CHRNA7: variants seen among roughly 807,000 people sequenced by gnomAD.
The protein encoded by CHRNA7 is neuronal acetylcholine receptor subunit alpha-7.
CHRNA7 carries 17 observed loss-of-function variants against 48.0 expected under a neutral mutation model. The observed-to-expected ratio is 0.35, with a 90% CI of 0.24 to 0.53. The LOEUF (loss-of-function observed/expected upper bound fraction) is 0.53, where lower values mean the gene tolerates loss of function less well. Among genes scored for constraint, CHRNA7 ranks in the 20% least tolerant of loss-of-function variants. The probability of loss-of-function intolerance (pLI) is 0.92; values close to 1 mark genes in which losing one functional copy is unlikely to be tolerated. For synonymous variants in CHRNA7, 75 were observed against 242.3 expected, an observed-to-expected ratio of 0.31 and a Z score of 6.41; for missense variants, 155 against 577.7, an observed-to-expected ratio of 0.27 and a Z score of 7.50.
chr15:32,158,301 T>TTTA, intron 6 of CHRNA7, 111 bp from the exon 7 acceptor site: 4 of 618,836 alleles, frequency 6.5e-6, no homozygotes, highest in Middle Eastern at 5.8e-4. Context: ...TTTTTTTTTT[T>TTTA]AGCACTTTGC....
At chr15:32,121,182 C>T (rs1024842736) in intron 4 of CHRNA7, among the ~76,000 whole-genome samples, 2 of 152,178 alleles carry the variant, frequency 1.3e-5, no homozygotes, top group African/African-American at 4.8e-5. Flanking sequence ...CCTGGAGAAA[C>T]AGAGCTTTCC....
At chr15:32,099,510 T>TG (rs1262144215) in intron 2 of CHRNA7, 1 of 152,202 alleles carries the variant, frequency 6.6e-6, no homozygotes, top group African/African-American at 2.4e-5. Context: ...TCTGTTAGAA[T>TG]GTTGGAAAGA....
chr15:32,042,657 T>G (rs1219637542), intron 2 of CHRNA7, among the ~76,000 whole-genome samples: 1 of 152,206 alleles, frequency 6.6e-6, no homozygotes, highest in African/African-American at 2.4e-5. Context: ...GTTTTGCTGA[T>G]TAGTCTCTGC....
intron 4 of CHRNA7, among the ~76,000 whole-genome samples, chr15:32,142,254 A>T (rs924799079): frequency 6.6e-6 from 1 of 152,240 alleles, no homozygotes; most frequent in African/African-American, 2.4e-5. Context: ...CCAGCCTTGC[A>T]TCCCAGGGAT....
intron 2 of CHRNA7, chr15:32,099,479 T>C (rs2050533740): frequency 6.6e-6 from 1 of 152,212 alleles, no homozygotes; most frequent in Admixed American, 6.5e-5. Context: ...CCACTGAAAT[T>C]CAGTGTTCTC....
chr15:32,054,029 A>C (rs371655428), intron 2 of CHRNA7, among the ~76,000 whole-genome samples: 39 of 152,324 alleles, frequency 2.6e-4, no homozygotes, highest in African/African-American at 9.1e-4. Context: ...GTCTTGGATA[A>C]AAGAGCCATG....
chr15:32,063,084 A>C (rs2049905625), intron 2 of CHRNA7, among the ~76,000 whole-genome samples: 1 of 152,228 alleles, frequency 6.6e-6, no homozygotes, highest in African/African-American at 2.4e-5. Context: ...AATGATATAC[A>C]TATACAGGGT....
intron 4 of CHRNA7, among the ~76,000 whole-genome samples, chr15:32,145,996 T>C (rs1306115525): frequency 6.6e-6 from 1 of 152,224 alleles, no homozygotes; most frequent in Non-Finnish European, 1.5e-5. Flanking sequence ...ATCTTCTGCG[T>C]TGATCTCGTT....
At chr15:32,120,279 A>G (rs962140188) in intron 4 of CHRNA7, among the ~76,000 whole-genome samples, 1 of 151,936 alleles carries the variant, frequency 6.6e-6, no homozygotes, top group African/African-American at 2.4e-5. Context: ...TTTATTTTCT[A>G]AAGTTAAAAA....
intron 2 of CHRNA7, among the ~76,000 whole-genome samples, chr15:32,046,150 G>A: frequency 6.6e-6 from 1 of 152,002 alleles, no homozygotes; most frequent in Non-Finnish European, 1.5e-5. Context: ...TGTCTTTATA[G>A]CAGCATGATT....
At chr15:32,036,968 G>T (rs1007986552) in intron 2 of CHRNA7, among the ~76,000 whole-genome samples, 1 of 151,872 alleles carries the variant, frequency 6.6e-6, no homozygotes, top group Non-Finnish European at 1.5e-5. Flanking sequence ...TTCTTTTATG[G>T]ATTGTGCCTC....
At chr15:32,130,984 T>C (rs1051716408) in intron 4 of CHRNA7, among the ~76,000 whole-genome samples, 23 of 152,160 alleles carry the variant, frequency 1.5e-4, no homozygotes, top group Non-Finnish European at 1.9e-4. Flanking sequence ...GAAACTGTCA[T>C]ACCACCTCCT....
intron 4 of CHRNA7, among the ~76,000 whole-genome samples, chr15:32,142,697 T>C (rs1015842171): frequency 6.6e-6 from 1 of 152,224 alleles, no homozygotes; most frequent in Non-Finnish European, 1.5e-5. Flanking sequence ...TTTTCTAGTT[T>C]ATTTGTATAG....
intron 4 of CHRNA7, among the ~76,000 whole-genome samples, chr15:32,151,780 A>G (rs747417732): frequency 6.6e-6 from 1 of 151,542 alleles, no homozygotes; most frequent in African/African-American, 2.4e-5. Context: ...CCTTCTTTTC[A>G]TTGACTCATT....
At chr15:32,049,737 A>G (rs1273508455) in intron 2 of CHRNA7, among the ~76,000 whole-genome samples, 1 of 152,170 alleles carries the variant, frequency 6.6e-6, no homozygotes, top group East Asian at 1.9e-4. Context: ...GTTTCTTCCT[A>G]GTCTCCATGG....
At chr15:32,079,569 C>G (rs758261074) in intron 2 of CHRNA7, among the ~76,000 whole-genome samples, 8 of 152,002 alleles carry the variant, frequency 5.3e-5, no homozygotes, top group Non-Finnish European at 1.0e-4. Context: ...AATAAAATAC[C>G]TAGGAATACA....
At chr15:32,048,730 C>G (rs548393633) in intron 2 of CHRNA7, among the ~76,000 whole-genome samples, 89 of 151,992 alleles carry the variant, frequency 5.9e-4, no homozygotes, top group African/African-American at 1.9e-3. Context: ...TGTGTTTGCT[C>G]TTGCTTTTCT....
intron 2 of CHRNA7, among the ~76,000 whole-genome samples, chr15:32,031,802 A>G (rs1901856054): frequency 6.6e-6 from 1 of 152,208 alleles, no homozygotes; most frequent in African/African-American, 2.4e-5. Flanking sequence ...TTCTCCATAC[A>G]ATACAAATAC....
At chr15:32,063,884 T>A (rs1449405465) in intron 2 of CHRNA7, among the ~76,000 whole-genome samples, 1 of 152,204 alleles carries the variant, frequency 6.6e-6, no homozygotes, top group Non-Finnish European at 1.5e-5. Context: ...ACTAGAGAAT[T>A]TCCCTTGCCA....
Sources: gnomAD v4.1 joint callset for allele counts (sites outside exome capture counted in the v4.1 genomes callset) on GRCh38, gnomAD v4.1.1 for gene constraint, MANE v1.5 for transcripts, NCBI Gene and HGNC (gene_info 2026-07-23, HGNC 2026-07-21) for gene names.